The following CORO7 variants were observed in gnomAD, a reference collection of about 807,000 sequenced individuals.
CORO7 encodes the protein coronin 7, also known as coronin-7.
A neutral mutation model predicts 126.6 loss-of-function variants in CORO7; 107 were observed. The ratio of observed to expected loss-of-function variants is 0.85; its 90% CI spans 0.72 to 0.99. CORO7 has a LOEUF of 0.99. CORO7 is among the 50% of genes least tolerant of loss of function. CORO7 has a pLI of 0.00. For synonymous variants in CORO7, 603 were observed against 536.8 expected, an observed-to-expected ratio of 1.12 and a Z score of -1.70; for missense variants, 1,314 against 1,255.8, an observed-to-expected ratio of 1.05 and a Z score of -0.70.
Position 4,362,024 on chromosome 16 carries a change from C to T in CORO7, c.1539G>A (p.Val513=). The change falls in exon 16 of 28, where the codon GTG becomes GTA. Residue 513 remains valine (V), a synonymous_variant. Transcript: ENST00000251166. This position sits in a 1 kb window ranked among gnomAD's most constrained non-coding sequence, Gnocchi z 5.3. ...CCTGTCCCCCGCTGCTGAGCAGCGG[C>T]ACGGCCACACGCAGCTTGTTGGCAC... is the stretch of plus-strand genomic sequence containing the variant. ...GFCANKLRVA[V]PLLSSGGQVA... The T allele has an allele frequency of 1.2e-6, 2 of 1,612,482 alleles. No individual in the cohort carries two copies. Among genetic ancestry groups the T allele is most frequent in the African/African-American group, 1.3e-5 (1 of 75,048 alleles).
chr16:4,371,973 C>G (rs914549394), intron 9 of CORO7: 45 of 152,832 alleles, frequency 2.9e-4, no homozygotes, highest in African/African-American at 1.0e-3. Flanking sequence ...GCCCGGCTCC[C>G]TGCGCCGCCG....
chr16:4,362,695 G>A lies in CORO7; in HGVS notation c.1319C>T (p.Thr440Met), dbSNP rs138573572. 3.3e-5 allele frequency: 48 copies of A among 1,471,214 alleles called. 1 individual carries two copies. Among genetic ancestry groups the A allele is most frequent in the South Asian group, 1.1e-4 (8 of 70,636 alleles). 91.1% of individuals were successfully genotyped at this position (1,471,214 alleles called of 1,614,324 possible). ...GAGTGAGGGCCCCAGGCTGGAGGGC[G>A]TGGAGGGCGAGGTCAGCGAACTGGG... Reference protein sequence around the residue: ...SPPSSLTSPSTPSSLGPSLSS... With the variant: ...SPPSSLTSPSMPSSLGPSLSS... Residue 440 changes from threonine to methionine, a missense_variant, in exon 15 of 28, where the codon ACG (threonine) becomes ATG (methionine). Physicochemically the swap from Thr to Met is moderately conservative, Grantham distance 81 (BLOSUM62 -1). Coordinates refer to ENST00000251166, the MANE Select transcript of CORO7 (RefSeq NM_024535.5). This position sits in a 1 kb window ranked among gnomAD's most constrained non-coding sequence, Gnocchi z 5.3.
In CORO7 at chr16:4,365,602, T is replaced by C. The variant is rs2054324793; in HGVS notation, c.786-57A>G. On this transcript the variant is annotated intron_variant, in intron 9 of 27. Transcript: ENST00000251166. ...GGCAGTGGGAGGGCTGCCAGACTCGTAACCCCATGTAGGAGCCCAGGACAG... is the reference window on the plus strand; with the variant it reads ...GGCAGTGGGAGGGCTGCCAGACTCGCAACCCCATGTAGGAGCCCAGGACAG... 15 of 1,549,180 alleles carry C rather than the reference T, an allele frequency of 9.7e-6. 1 individual carries two copies. The South Asian group carries it at 1.7e-4, about 17-fold the overall frequency.
intron 9 of CORO7, among the ~76,000 whole-genome samples, chr16:4,366,204 C>T (rs1264422223): frequency 4.6e-5 from 7 of 152,334 alleles, no homozygotes; most frequent in Non-Finnish European, 7.3e-5. Flanking sequence ...CCTGCTGCCC[C>T]GGCCGAGCCT....
Position 4,364,345 on chromosome 16 carries a change from AG to A in CORO7, c.1205del (p.Pro402LeufsTer13), listed in dbSNP as rs1350824419. On this transcript the variant is annotated frameshift_variant, in exon 14 of 28. Transcript: ENST00000251166. LOFTEE classifies it high-confidence loss of function. ...HPSFTSCLVP[P>X]AEPLPDTAQP... ...GGGCTGTGTCAGGGAGGGGCTCCGC[AG>A]GGGGCACCAGACAGGAAGTGAAGCT... is the stretch of plus-strand genomic sequence containing the variant. 6.5e-7 allele frequency: 1 copy of A among 1,528,418 alleles called. No homozygotes were observed. Among genetic ancestry groups the A allele is most frequent in the Non-Finnish European group, 8.8e-7 (1 of 1,141,686 alleles). The allele number at this position is 1,528,418 out of a possible 1,614,324, so 94.7% of individuals were successfully genotyped here.
At chr16:4,391,116 A>G (rs2055371618) in intron 7 of CORO7, among the ~76,000 whole-genome samples, 1 of 152,190 alleles carries the variant, frequency 6.6e-6, no homozygotes, top group Non-Finnish European at 1.5e-5. Context: ...CAATGGAGTG[A>G]TCACCAGTAT....
chr16:4,408,258 G>A lies in CORO7; in HGVS notation c.233-7C>T, dbSNP rs1405999145. On this transcript the variant is annotated splice_polypyrimidine_tract_variant and splice_region_variant and intron_variant, in intron 3 of 27. Coordinates refer to ENST00000251166, the MANE Select transcript of CORO7 (RefSeq NM_024535.5). ...TCCAAGTCGGTGACTAGGTCTGTGG[G>A]AGAGGAATGGCTGAACCCACCGGAA... The A allele has an allele frequency of 1.2e-6, 2 of 1,614,222 alleles. No homozygotes were observed. Among genetic ancestry groups the A allele is most frequent in the Non-Finnish European group, 1.7e-6 (2 of 1,180,034 alleles).
chr16:4,355,503 C>T (rs1364962961), intron 26 of CORO7, 131 bp from the exon 27 acceptor site: 28 of 1,036,134 alleles, frequency 2.7e-5, no homozygotes, highest in African/African-American at 8.1e-5. Context: ...CTTGCTCTGT[C>T]GCCCAGGCTG....
At chr16:4,393,595 C>T (rs564134173) in intron 7 of CORO7, among the ~76,000 whole-genome samples, 3 of 152,256 alleles carry the variant, frequency 2.0e-5, no homozygotes, top group East Asian at 3.9e-4. Context: ...GTGTAGGGGG[C>T]TCTGGGGCTC....
At chr16:4,397,280 C>G (rs1020653067) in intron 6 of CORO7, 54 of 148,554 alleles carry the variant, frequency 3.6e-4, no homozygotes, top group African/African-American at 1.3e-3. Context: ...TCGTCTCTAC[C>G]AAAAATACAA....
At chr16:4,413,769 C>T (rs2056303352) in intron 1 of CORO7, among the ~76,000 whole-genome samples, 1 of 151,624 alleles carries the variant, frequency 6.6e-6, no homozygotes, top group African/African-American at 2.4e-5. Context: ...AACTCCTGGC[C>T]TCAAGTGATC....
At chr16:4,392,835 G>GC (rs1166274638) in intron 7 of CORO7, among the ~76,000 whole-genome samples, 1 of 152,334 alleles carries the variant, frequency 6.6e-6, no homozygotes, top group East Asian at 1.9e-4. Flanking sequence ...CAGGCCTGCT[G>GC]CCCCCGCACC....
At chr16:4,369,687 C>G (rs2054459623) in intron 9 of CORO7, among the ~76,000 whole-genome samples, 1 of 152,204 alleles carries the variant, frequency 6.6e-6, no homozygotes, top group African/African-American at 2.4e-5. Flanking sequence ...AGCTGCAAGG[C>G]TCCTCCTCTG....
intron 6 of CORO7, chr16:4,397,189 A>G (rs1287671348): frequency 1.3e-5 from 2 of 152,068 alleles, no homozygotes; most frequent in Non-Finnish European, 2.9e-5. Flanking sequence ...CATGCTGGTA[A>G]TCCCAGCACT....
intron 24 of CORO7, 46 bp downstream of exon 24, chr16:4,358,321 C>A (rs1053969116): frequency 6.3e-7 from 1 of 1,598,420 alleles, no homozygotes; most frequent in South Asian, 1.1e-5. Flanking sequence ...CCCCTCTAGG[C>A]ACCGAGAAGG....
chr16:4,357,546 G>C (rs2054016777), intron 25 of CORO7: 1 of 363,216 alleles, frequency 2.8e-6, no homozygotes, highest in South Asian at 3.6e-5. Flanking sequence ...AGTAGAGATG[G>C]GGTTTCACCA....
chr16:4,390,034 C>T (rs1360398844), intron 7 of CORO7, among the ~76,000 whole-genome samples: 2 of 152,154 alleles, frequency 1.3e-5, no homozygotes, highest in Admixed American at 6.5e-5. Context: ...ACACACTATT[C>T]GAGATGACAT....
At chr16:4,380,294 A>G (rs1289631313) in intron 9 of CORO7, among the ~76,000 whole-genome samples, 1 of 152,120 alleles carries the variant, frequency 6.6e-6, no homozygotes, top group African/African-American at 2.4e-5. Flanking sequence ...GGCGGCCCGC[A>G]GCCCCCAGCC....
Position 4,395,350 on chromosome 16 carries a change from A to G in CORO7, c.565-11T>C, listed in dbSNP as rs372923717. ...CCGCAGCTGCTTGTCCTGGAAAAGC[A>G]GAGAGGAGGAAACAACTTGCGATTA... On this transcript the variant is annotated splice_polypyrimidine_tract_variant and intron_variant, in intron 6 of 27. Coordinates refer to ENST00000251166, the MANE Select transcript of CORO7 (RefSeq NM_024535.5). 6.8e-6 allele frequency: 11 copies of G among 1,613,912 alleles called. No homozygotes were observed. Among genetic ancestry groups the G allele is most frequent in the Non-Finnish European group, 9.3e-6 (11 of 1,180,028 alleles).
Sources: allele counts gnomAD v4.1 joint callset (sites outside exome capture counted in the v4.1 genomes callset), GRCh38; gene constraint gnomAD v4.1.1; non-coding constraint Gnocchi (gnomAD v3.1); transcripts MANE v1.5; gene names NCBI Gene and HGNC (gene_info 2026-07-23, HGNC 2026-07-21).